Variants in CFDP1 observed in about 807,000 individuals in gnomAD.
CFDP1 encodes chromatin remodeling protein CFDP1.
Under a neutral mutation model 40.1 loss-of-function variants are expected in CFDP1, and 31 were observed. That is an observed-to-expected ratio of 0.77 (90% confidence interval 0.58 to 1.04). CFDP1 has a LOEUF of 1.04. Ranked by LOEUF, CFDP1 falls within the 50% of genes least tolerant of loss-of-function variation. CFDP1 has a pLI of 0.00. For missense variants in CFDP1, 423 were observed against 343.4 expected, an observed-to-expected ratio of 1.23 and a Z score of -1.83; for synonymous variants, 167 against 120.0, an observed-to-expected ratio of 1.39 and a Z score of -2.56.
chr16:75,334,405 G>T (rs2078470851), intron 5 of CFDP1, among the ~76,000 whole-genome samples: 1 of 150,914 alleles, frequency 6.6e-6, no homozygotes, highest in South Asian at 2.1e-4. Flanking sequence ...CCAGCCCGAA[G>T]TGCTCTAGAG....
chr16:75,427,912 C>G, intron 1 of CFDP1, among the ~76,000 whole-genome samples: 1 of 152,216 alleles, frequency 6.6e-6, no homozygotes, highest in East Asian at 1.9e-4. Flanking sequence ...ACAGAAGGAG[C>G]TAATTACTGA....
At chr16:75,343,577 T>C (rs924125091) in intron 5 of CFDP1, among the ~76,000 whole-genome samples, 4 of 152,144 alleles carry the variant, frequency 2.6e-5, no homozygotes, top group African/African-American at 9.7e-5. Context: ...TTGAGGGGGT[T>C]GGGGGACACA....
chr16:75,326,887 GAAA>G (rs2078405342), intron 5 of CFDP1, among the ~76,000 whole-genome samples: 1 of 152,122 alleles, frequency 6.6e-6, no homozygotes, highest in African/African-American at 2.4e-5. Context: ...TGTGAAGGGA[GAAA>G]AAAGTCATTT....
chr16:75,375,104 CA>C (rs929015282), intron 5 of CFDP1, among the ~76,000 whole-genome samples: 21 of 148,724 alleles, frequency 1.4e-4, no homozygotes, highest in African/African-American at 4.4e-4. Flanking sequence ...ATTCAAGGTA[CA>C]AAAAAAACCT....
intron 5 of CFDP1, among the ~76,000 whole-genome samples, chr16:75,393,096 G>A (rs1038883281): frequency 2.0e-5 from 3 of 152,188 alleles, no homozygotes; most frequent in Admixed American, 1.3e-4. Context: ...TGAGGACAGA[G>A]GGCAAGGAAT....
chr16:75,330,226 G>C (rs1567647572), intron 5 of CFDP1, among the ~76,000 whole-genome samples: 1 of 152,180 alleles, frequency 6.6e-6, no homozygotes, highest in Non-Finnish European at 1.5e-5. Flanking sequence ...ACTGAAATGG[G>C]CAAGGCTGTG....
intron 5 of CFDP1, among the ~76,000 whole-genome samples, chr16:75,379,097 G>A (rs2078829836): frequency 6.6e-6 from 1 of 151,874 alleles, no homozygotes; most frequent in African/African-American, 2.4e-5. Context: ...AGCAGTGTGA[G>A]GGAAATGTGT....
At chr16:75,407,601 G>A (rs1274152475) in intron 4 of CFDP1, among the ~76,000 whole-genome samples, 1 of 145,848 alleles carries the variant, frequency 6.9e-6, no homozygotes, top group African/African-American at 2.5e-5. Context: ...GAAATCAACT[G>A]AGCCTCGTAG....
chr16:75,380,855 C>T (rs1327677956), intron 5 of CFDP1, among the ~76,000 whole-genome samples: 2 of 152,112 alleles, frequency 1.3e-5, no homozygotes, highest in African/African-American at 2.4e-5. Context: ...GATAAAACCT[C>T]GCTAAAGAGT....
chr16:75,319,582 G>C (rs116765619), intron 5 of CFDP1, among the ~76,000 whole-genome samples: 1 of 152,112 alleles, frequency 6.6e-6, no homozygotes, highest in African/African-American at 2.4e-5. Context: ...AACATCGTTT[G>C]CTCACTCAGT....
At chr16:75,428,039 T>C (rs2079361158) in intron 1 of CFDP1, among the ~76,000 whole-genome samples, 1 of 151,962 alleles carries the variant, frequency 6.6e-6, no homozygotes, top group South Asian at 2.1e-4. Context: ...AAGGCAAAAC[T>C]ATAAAGATGG....
At chr16:75,425,946 G>A (rs1478594593) in intron 1 of CFDP1, among the ~76,000 whole-genome samples, 2 of 145,006 alleles carry the variant, frequency 1.4e-5, no homozygotes, top group African/African-American at 5.2e-5. Context: ...TGAGGCAGGA[G>A]AATCGCTTGA....
chr16:75,388,649 A>G (rs1286787105), intron 5 of CFDP1, among the ~76,000 whole-genome samples: 1 of 152,228 alleles, frequency 6.6e-6, no homozygotes, highest in Non-Finnish European at 1.5e-5. Flanking sequence ...AGAGTTTTAA[A>G]TATTGGCCAA....
At chr16:75,329,892 G>C (rs987184747) in intron 5 of CFDP1, among the ~76,000 whole-genome samples, 2 of 152,088 alleles carry the variant, frequency 1.3e-5, no homozygotes, top group African/African-American at 4.8e-5. Context: ...CTGTTCTTGG[G>C]GAGCTATGGC....
intron 5 of CFDP1, among the ~76,000 whole-genome samples, chr16:75,343,766 C>T (rs1216172368): frequency 1.3e-5 from 2 of 152,164 alleles, no homozygotes; most frequent in Admixed American, 6.5e-5. Context: ...CTCACAGTAA[C>T]TCAGTTAATC....
chr16:75,334,933 C>T (rs529729471), intron 5 of CFDP1, among the ~76,000 whole-genome samples: 3 of 149,372 alleles, frequency 2.0e-5, no homozygotes, highest in Non-Finnish European at 3.0e-5. Context: ...CCAGCCTGGG[C>T]GACAAAGCGA....
At chr16:75,362,512 T>A (rs953942834) in intron 5 of CFDP1, among the ~76,000 whole-genome samples, 5 of 152,262 alleles carry the variant, frequency 3.3e-5, no homozygotes, top group Non-Finnish European at 7.3e-5. Context: ...ACTGTCCGAA[T>A]AGCTATGCTG....
At chr16:75,414,988 G>A (rs2079192035) in intron 1 of CFDP1, among the ~76,000 whole-genome samples, 1 of 152,098 alleles carries the variant, frequency 6.6e-6, no homozygotes, top group Non-Finnish European at 1.5e-5. Context: ...ACTCCAAGAG[G>A]ACATAAACCC....
At chr16:75,298,408 G>A (rs898217592) in intron 6 of CFDP1, among the ~76,000 whole-genome samples, 2 of 152,204 alleles carry the variant, frequency 1.3e-5, no homozygotes, top group African/African-American at 2.4e-5. Context: ...TGGTCAGGAA[G>A]AGGGAGAGCA....
Sources: gnomAD v4.1 joint callset for allele counts (sites outside exome capture counted in the v4.1 genomes callset) on GRCh38, gnomAD v4.1.1 for gene constraint, MANE v1.5 for transcripts, NCBI Gene and HGNC (gene_info 2026-07-23, HGNC 2026-07-21) for gene names.